HIF3A: variants seen among roughly 807,000 people sequenced by gnomAD.
HIF3A encodes the protein hypoxia inducible factor 3 subunit alpha.
Under a neutral mutation model 67.2 loss-of-function variants are expected in HIF3A, and 41 were observed. That is an observed-to-expected ratio of 0.61 (90% CI 0.48 to 0.79). The LOEUF is 0.79. Among genes scored for constraint, HIF3A ranks in the 30% least tolerant of loss-of-function variants. HIF3A has a pLI of 0.00. For synonymous variants in HIF3A, 356 were observed against 374.8 expected (o/e 0.95, Z 0.58); for missense variants, 855 against 898.0 (o/e 0.95, Z 0.61).
chr19:46,306,250 A>C lies in HIF3A; in HGVS notation c.363+860A>C, dbSNP rs145875412. On this transcript the variant is annotated intron_variant, in intron 3 of 14. Coordinates refer to ENST00000377670, the MANE Select transcript of HIF3A (RefSeq NM_152795.4). ...GGGGAGCTATAGAAGGATTTTAAGC[A>C]GTGGAGAGGTTGTGCCAGAAAGGTA... 3.3e-3 allele frequency among the ~76,000 whole-genome samples: 510 copies of C among 152,282 alleles called. 7 individuals carry two copies. The highest frequency in any genetic ancestry group is 0.012 in the African/African-American group (492 of 41,560).
At chr19:46,317,738 A>G (rs1014870265) in intron 8 of HIF3A, among the ~76,000 whole-genome samples, 4 of 151,916 alleles carry the variant, frequency 2.6e-5, no homozygotes, top group East Asian at 1.9e-4. Context: ...TAATTATCCT[A>G]TTAACTTGTG....
At chr19:46,337,293 C>T (rs1192886449) in intron 14 of HIF3A, among the ~76,000 whole-genome samples, 1 of 152,036 alleles carries the variant, frequency 6.6e-6, no homozygotes, top group Non-Finnish European at 1.5e-5. Flanking sequence ...CTCTGTTGCC[C>T]AGGCTGGAGC....
At chr19:46,299,636 T>C (rs1887310991) in intron 1 of HIF3A, among the ~76,000 whole-genome samples, 1 of 143,566 alleles carries the variant, frequency 7.0e-6, no homozygotes, top group African/African-American at 2.6e-5. Context: ...GGCTTGAGCC[T>C]GAGGCAGAGG....
chr19:46,308,509 A>G (rs759298), intron 4 of HIF3A, 154 bp from the exon 5 acceptor site: 527,951 of 633,864 alleles, frequency 0.83, 220,378 homozygotes, highest in Non-Finnish European at 0.86. Context: ...TGGGGGGTCC[A>G]AGGGGACACA....
chr19:46,337,794 A>G (rs1467850612), intron 14 of HIF3A, among the ~76,000 whole-genome samples: 1 of 152,170 alleles, frequency 6.6e-6, no homozygotes, highest in East Asian at 1.9e-4. Context: ...CTCCTTACAC[A>G]AAGCCCTGCC....
chr19:46,333,577 G>A (rs548713570), intron 13 of HIF3A, among the ~76,000 whole-genome samples: 7 of 152,064 alleles, frequency 4.6e-5, no homozygotes, highest in Admixed American at 1.3e-4. Context: ...ACAGGTCCTC[G>A]GGCGAAGGAA....
At chr19:46,308,107 T>C in intron 3 of HIF3A, 114 bp from the exon 4 acceptor site, 8 of 784,762 alleles carry the variant, frequency 1.0e-5, no homozygotes, top group South Asian at 9.7e-5. Flanking sequence ...GATAAATGAA[T>C]GGGGAGACTG....
chr19:46,323,458 G>A (rs1970535163), intron 10 of HIF3A, among the ~76,000 whole-genome samples: 1 of 152,078 alleles, frequency 6.6e-6, no homozygotes, highest in South Asian at 2.1e-4. Flanking sequence ...TCTGTTTCCT[G>A]AGGCCTAACA....
chr19:46,318,085 C>T (rs574339141), intron 8 of HIF3A, among the ~76,000 whole-genome samples: 52 of 152,276 alleles, frequency 3.4e-4, no homozygotes, highest in African/African-American at 1.1e-3. Context: ...ATCCACCCAC[C>T]TCAGCCTCCC....
chr19:46,308,537 C>A (rs1453600082), intron 4 of HIF3A, 126 bp from the exon 5 acceptor site: 2 of 659,556 alleles, frequency 3.0e-6, no homozygotes, highest in Non-Finnish European at 5.2e-6. Flanking sequence ...CCTGGGGGAC[C>A]CTCTCTGGTT....
chr19:46,312,454 C>G, intron 7 of HIF3A, 52 bp from the exon 8 acceptor site: 2 of 1,607,680 alleles, frequency 1.2e-6, no homozygotes, highest in Non-Finnish European at 8.5e-7. Context: ...AGATATTTCT[C>G]TCCCCATTTG....
intron 14 of HIF3A, among the ~76,000 whole-genome samples, chr19:46,339,319 G>A (rs1000563191): frequency 1.3e-5 from 2 of 152,106 alleles, no homozygotes; most frequent in South Asian, 2.1e-4. Flanking sequence ...AAAGGCTCTT[G>A]TGCCCCTTTG....
At chr19:46,321,707 T>C in intron 9 of HIF3A, 69 bp from the exon 10 acceptor site, 1 of 1,366,990 alleles carries the variant, frequency 7.3e-7, no homozygotes, top group Non-Finnish European at 1.0e-6. Context: ...CTGGGGTTGG[T>C]ATGGAGGGCT....
intron 14 of HIF3A, chr19:46,338,179 A>C (rs1409372845): frequency 1.5e-5 from 7 of 454,046 alleles, no homozygotes; most frequent in South Asian, 1.1e-4. Context: ...CCTGACACAA[A>C]GTAGGTGCTC....
At chr19:46,338,278 C>A (rs1459733475) in intron 14 of HIF3A, 2 of 453,704 alleles carry the variant, frequency 4.4e-6, no homozygotes, top group South Asian at 1.6e-5. Context: ...CACAGCTCAC[C>A]GCAGCCTCGA....
At chr19:46,310,039 A>G (rs1220585335) in intron 6 of HIF3A, among the ~76,000 whole-genome samples, 1 of 152,180 alleles carries the variant, frequency 6.6e-6, no homozygotes, top group Non-Finnish European at 1.5e-5. Context: ...AGCCTGGCCA[A>G]CATGGTGAAA....
intron 2 of HIF3A, 128 bp from the exon 3 acceptor site, chr19:46,305,117 C>T: frequency 3.8e-6 from 5 of 1,330,894 alleles, no homozygotes; most frequent in Non-Finnish European, 5.3e-6. Context: ...GATGTACCCC[C>T]ACTTCCTTGG....
chr19:46,321,705 G>T, intron 9 of HIF3A, 71 bp from the exon 10 acceptor site: 1 of 1,332,696 alleles, frequency 7.5e-7, no homozygotes, highest in Non-Finnish European at 1.1e-6. Context: ...TCCTGGGGTT[G>T]GTATGGAGGG....
At chr19:46,306,641 T>G (rs1968877155) in intron 3 of HIF3A, 1 of 152,254 alleles carries the variant, frequency 6.6e-6, no homozygotes, top group African/African-American at 2.4e-5. Flanking sequence ...CCCATTCTTT[T>G]TTCTATCTCA....
Sources: gnomAD v4.1 joint callset for allele counts (sites outside exome capture counted in the v4.1 genomes callset) on GRCh38, gnomAD v4.1.1 for gene constraint, MANE v1.5 for transcripts, NCBI Gene and HGNC (gene_info 2026-07-23, HGNC 2026-07-21) for gene names.